Variants in DNAH8 observed in about 807,000 individuals in gnomAD.
DNAH8 encodes axonemal beta dynein heavy chain 8.
In DNAH8, 382 loss-of-function variants were observed where a neutral mutation model predicts 562.1. The ratio of observed to expected loss-of-function variants is 0.68; its 90% CI spans 0.63 to 0.74. The LOEUF is 0.74. Ranked by LOEUF, DNAH8 falls within the 30% of genes least tolerant of loss-of-function variation. The pLI is 0.00. For missense variants in DNAH8, 5,203 were observed against 5,620.4 expected, an observed-to-expected ratio of 0.93 and a Z score of 2.37; for synonymous variants, 1,881 against 1,919.4, an observed-to-expected ratio of 0.98 and a Z score of 0.52.
intron 73 of DNAH8, 115 bp from the exon 74 acceptor site, chr6:38,925,940 C>T (rs1402543150): frequency 1.4e-5 from 15 of 1,038,072 alleles, no homozygotes; most frequent in Non-Finnish European, 1.7e-5. Flanking sequence ...GTTGCATAGT[C>T]TCAAAGGAAA....
At chr6:38,868,428 A>G (rs1161649775) in intron 48 of DNAH8, among the ~76,000 whole-genome samples, 2 of 152,228 alleles carry the variant, frequency 1.3e-5, no homozygotes, top group Non-Finnish European at 1.5e-5. Context: ...GAAACAGGTC[A>G]TCAGTGGGCT....
At chr6:38,874,832 G>A (rs1228134568) in intron 52 of DNAH8, among the ~76,000 whole-genome samples, 3 of 152,140 alleles carry the variant, frequency 2.0e-5, no homozygotes, top group African/African-American at 7.2e-5. Flanking sequence ...TTTGTGGGTA[G>A]GTTAGAAACA....
chr6:38,921,088 C>A (rs1016399649), intron 70 of DNAH8, among the ~76,000 whole-genome samples: 5 of 152,060 alleles, frequency 3.3e-5, no homozygotes, highest in Non-Finnish European at 5.9e-5. Flanking sequence ...AACAAGATCT[C>A]ACTATTTTGC....
At position 38,759,852 on chromosome 6, in the gene DNAH8, C is replaced by A. The variant is rs181810625; in HGVS notation, c.1516-1850C>A. ...TAATAATTTTCCACCCACTGACTCC[C>A]ATCCTGCCCCTTGGCTATACATTCC... On this transcript the variant is annotated intron_variant, in intron 10 of 92. Coordinates refer to ENST00000327475, the MANE Select transcript of DNAH8 (RefSeq NM_001206927.2). Among the ~76,000 whole-genome samples the A allele has an allele frequency of 1.2e-3, 188 of 152,216 alleles. 1 individual carries two copies. The highest frequency in any genetic ancestry group is 4.2e-3 in the African/African-American group (175 of 41,546).
chr6:38,768,787 TC>T (rs1463923829), intron 11 of DNAH8, among the ~76,000 whole-genome samples: 1 of 152,182 alleles, frequency 6.6e-6, no homozygotes, highest in Non-Finnish European at 1.5e-5. Context: ...TCATTCTTGC[TC>T]CCCTCATACC....
At chr6:38,903,755 G>A (rs1780244883) in intron 62 of DNAH8, among the ~76,000 whole-genome samples, 1 of 151,754 alleles carries the variant, frequency 6.6e-6, no homozygotes, top group Non-Finnish European at 1.5e-5. Context: ...GGGATTACAG[G>A]CGAGCACCAC....
At chr6:38,930,445 T>G (rs965822031) in intron 75 of DNAH8, among the ~76,000 whole-genome samples, 3 of 152,090 alleles carry the variant, frequency 2.0e-5, no homozygotes, top group Non-Finnish European at 4.4e-5. Context: ...TCAGAAAAAT[T>G]TTCTTCATAA....
chr6:38,965,236 T>C (rs571113939), intron 82 of DNAH8, among the ~76,000 whole-genome samples: 7 of 152,220 alleles, frequency 4.6e-5, no homozygotes, highest in Non-Finnish European at 8.8e-5. Context: ...TTCCATATAT[T>C]ATATAATACA....
chr6:38,779,146 G>A (rs2038199), intron 14 of DNAH8, among the ~76,000 whole-genome samples: 18,644 of 152,156 alleles, frequency 0.12, 1,396 homozygotes, highest in Admixed American at 0.22. Context: ...TCAGCACAGG[G>A]AGGGCTCAAG....
intron 5 of DNAH8, among the ~76,000 whole-genome samples, chr6:38,735,015 G>A (rs770034764): frequency 6.6e-6 from 1 of 152,178 alleles, no homozygotes; most frequent in Non-Finnish European, 1.5e-5. Context: ...AAGGCAGGAT[G>A]ATGGAATGGG....
chr6:38,994,326 G>A (rs376552246), intron 88 of DNAH8, among the ~76,000 whole-genome samples: 22 of 152,120 alleles, frequency 1.4e-4, no homozygotes, highest in African/African-American at 5.3e-4. Context: ...CTTATTTAGC[G>A]TTGCTTGTGA....
At chr6:38,971,232 T>TA (rs1763323092) in intron 82 of DNAH8, among the ~76,000 whole-genome samples, 1 of 152,148 alleles carries the variant, frequency 6.6e-6, no homozygotes, top group Admixed American at 6.5e-5. Context: ...ACAGCAAAAC[T>TA]AAAAAATCCT....
At chr6:38,782,748 C>A (rs757886969) in intron 16 of DNAH8, among the ~76,000 whole-genome samples, 4 of 152,152 alleles carry the variant, frequency 2.6e-5, no homozygotes, top group Non-Finnish European at 5.9e-5. Context: ...ATGCCTGGGG[C>A]AGGCTGTGGG....
In DNAH8 at chr6:39,020,712, C is replaced by T. The variant is rs377185708; in HGVS notation, c.13715-5834C>T. 3.3e-5 allele frequency among the ~76,000 whole-genome samples: 5 copies of T among 152,210 alleles called. No individual in the cohort carries two copies. In the South Asian group the frequency reaches 1.0e-3, roughly 32 times the overall value. ...AGGCCTCAGTGTGTGTGTTCCCTTC[C>T]CTGTGTCCATGTGTTCTCATTGTTC... On this transcript the variant is annotated intron_variant, in intron 91 of 92. Transcript: ENST00000327475.
At chr6:38,998,970 G>A (rs1357965163) in intron 88 of DNAH8, among the ~76,000 whole-genome samples, 2 of 152,046 alleles carry the variant, frequency 1.3e-5, no homozygotes, top group African/African-American at 4.8e-5. Context: ...TCATATCTTT[G>A]CAAACATAAA....
rs878854274 is a variant in DNAH8, at chr6:38,826,157, G to A, written c.3849G>A (p.Glu1283=). The change falls in exon 29 of 93, where the codon GAG becomes GAA. Residue 1283 remains glutamate (E), a splice_region_variant and synonymous_variant. Coordinates refer to ENST00000327475, the MANE Select transcript of DNAH8 (RefSeq NM_001206927.2). ...TTAATTTCTTCTTGTCTTCATCAGAGCCGATGAAATTGGCCTTATCCATCG... is the reference window on the plus strand; with the variant it reads ...TTAATTTCTTCTTGTCTTCATCAGAACCGATGAAATTGGCCTTATCCATCG... ...IVVGALELHT[E]PMKLALSIEA... The A allele has an allele frequency of 1.3e-6, 2 of 1,585,630 alleles. No homozygotes were observed. The highest frequency in any genetic ancestry group is 1.7e-6 in the Non-Finnish European group (2 of 1,163,474).
chr6:38,947,705 T>G (rs1761547124), intron 80 of DNAH8, among the ~76,000 whole-genome samples: 1 of 151,898 alleles, frequency 6.6e-6, no homozygotes, highest in Admixed American at 6.6e-5. Context: ...TGCTGCAATC[T>G]TCAGGAGATA....
intron 88 of DNAH8, among the ~76,000 whole-genome samples, chr6:39,001,127 A>T (rs1398064008): frequency 6.6e-6 from 1 of 152,132 alleles, no homozygotes; most frequent in African/African-American, 2.4e-5. Flanking sequence ...GCCGATGCAG[A>T]GTGTGGCTTT....
chr6:39,013,153 A>G (rs903538731), intron 91 of DNAH8, among the ~76,000 whole-genome samples: 4 of 152,130 alleles, frequency 2.6e-5, no homozygotes, highest in African/African-American at 7.2e-5. Flanking sequence ...TGCTTCATTT[A>G]TTCCTTCCTT....
Sources: allele counts gnomAD v4.1 joint callset (sites outside exome capture counted in the v4.1 genomes callset), GRCh38; gene constraint gnomAD v4.1.1; transcripts MANE v1.5; gene names NCBI Gene and HGNC (gene_info 2026-07-23, HGNC 2026-07-21).